The following CDH13 variants were observed in gnomAD, a reference collection of about 807,000 sequenced individuals.
CDH13 encodes the protein cadherin-13.
Under a neutral mutation model 63.8 loss-of-function variants are expected in CDH13, and 24 were observed. The ratio of observed to expected loss-of-function variants is 0.38; its 90% CI spans 0.27 to 0.53. The LOEUF (loss-of-function observed/expected upper bound fraction) is 0.53, where lower values mean the gene tolerates loss of function less well. CDH13 is among the 20% of genes least tolerant of loss of function. The probability of loss-of-function intolerance (pLI) is 0.85; values close to 1 mark genes in which losing one functional copy is unlikely to be tolerated. For synonymous variants in CDH13, 503 were observed against 355.3 expected (o/e 1.42, Z -4.67); for missense variants, 1,049 against 903.1 (o/e 1.16, Z -2.07).
intron 5 of CDH13, among the ~76,000 whole-genome samples, chr16:83,267,927 G>A (rs1326186174): frequency 6.6e-6 from 1 of 152,208 alleles, no homozygotes; most frequent in Non-Finnish European, 1.5e-5. Context: ...CAAGTGAAGT[G>A]TCTCTCAGTC....
chr16:82,795,712 C>G (rs754737671), intron 1 of CDH13, among the ~76,000 whole-genome samples: 1 of 152,146 alleles, frequency 6.6e-6, no homozygotes, highest in East Asian at 1.9e-4. Context: ...TGACCCAGTT[C>G]CTAATCCAGC....
intron 6 of CDH13, among the ~76,000 whole-genome samples, chr16:83,357,105 C>G (rs2091071554): frequency 6.6e-6 from 1 of 152,036 alleles, no homozygotes; most frequent in South Asian, 2.1e-4. Context: ...GCTCTGTATC[C>G]TTAAAAAAAG....
At chr16:83,134,006 A>T (rs1218816695) in intron 4 of CDH13, among the ~76,000 whole-genome samples, 1 of 152,168 alleles carries the variant, frequency 6.6e-6, no homozygotes, top group Non-Finnish European at 1.5e-5. Context: ...TAACATAGAC[A>T]TTCACTGCTT....
chr16:82,672,674 C>T (rs528602889), intron 1 of CDH13, among the ~76,000 whole-genome samples: 2 of 152,040 alleles, frequency 1.3e-5, no homozygotes, highest in South Asian at 2.1e-4. Flanking sequence ...TAATTCCATT[C>T]TCCTCACTGA....
chr16:83,743,539 A>G (rs1395835951), intron 10 of CDH13, among the ~76,000 whole-genome samples: 1 of 152,210 alleles, frequency 6.6e-6, no homozygotes, highest in Admixed American at 6.5e-5. Context: ...TGACAGAGGG[A>G]GCATCAAAGA....
At chr16:83,193,389 C>T (rs2038783627) in intron 4 of CDH13, among the ~76,000 whole-genome samples, 1 of 152,088 alleles carries the variant, frequency 6.6e-6, no homozygotes, top group South Asian at 2.1e-4. Context: ...AATCGCAAGC[C>T]CTGCATGCCA....
At chr16:83,410,554 C>T (rs1315013671) in intron 6 of CDH13, among the ~76,000 whole-genome samples, 3 of 152,048 alleles carry the variant, frequency 2.0e-5, no homozygotes, top group African/African-American at 7.2e-5. Context: ...AATACCCACC[C>T]CCTATATTTT....
chr16:83,334,359 T>A (rs868851363), intron 5 of CDH13, among the ~76,000 whole-genome samples: 1,989 of 88,478 alleles, frequency 0.022, 24 homozygotes, highest in South Asian at 0.032. Flanking sequence ...TCTCTCTCTC[T>A]CTCACACACA....
intron 2 of CDH13, among the ~76,000 whole-genome samples, chr16:82,891,713 C>T (rs1260391498): frequency 2.0e-5 from 3 of 152,102 alleles, no homozygotes; most frequent in African/African-American, 4.8e-5. Context: ...TACTTACTGT[C>T]GTGGTTCTCA....
intron 6 of CDH13, among the ~76,000 whole-genome samples, chr16:83,429,640 G>T (rs976546973): frequency 6.6e-6 from 1 of 152,150 alleles, no homozygotes; most frequent in Non-Finnish European, 1.5e-5. Flanking sequence ...AATGCTGAGG[G>T]GAAGGTGACC....
intron 4 of CDH13, among the ~76,000 whole-genome samples, chr16:83,211,587 G>A (rs2039338284): frequency 6.6e-6 from 1 of 152,106 alleles, no homozygotes; most frequent in Non-Finnish European, 1.5e-5. Context: ...ACTTTGCAGG[G>A]GAACTGAATG....
Position 83,168,294 on chromosome 16 carries a change from C to G in CDH13, c.483+42793C>G, listed in dbSNP as rs189309088. Among the ~76,000 whole-genome samples, 901 of 152,100 alleles carry G rather than the reference C, an allele frequency of 5.9e-3. 13 individuals carry two copies. The highest frequency in any genetic ancestry group is 7.8e-3 in the Non-Finnish European group (528 of 67,978). On this transcript the variant is annotated intron_variant, in intron 4 of 13. Transcript: ENST00000567109. Reference sequence around the variant, plus strand: ...AGCTTAGCTAGGTGTTAAGTACCATCCAATGGACGGTGCCATCCATTATAT... The same window carrying G: ...AGCTTAGCTAGGTGTTAAGTACCATGCAATGGACGGTGCCATCCATTATAT...
At chr16:83,108,721 T>C (rs755460583) in intron 3 of CDH13, among the ~76,000 whole-genome samples, 73 of 152,302 alleles carry the variant, frequency 4.8e-4, no homozygotes, top group Middle Eastern at 3.4e-3. Context: ...CTGTCTCTTG[T>C]CTGTATCACT....
intron 2 of CDH13, among the ~76,000 whole-genome samples, chr16:82,893,933 C>T (rs1313147713): frequency 6.6e-6 from 1 of 152,190 alleles, no homozygotes; most frequent in African/African-American, 2.4e-5. Flanking sequence ...ACTTCAGTAA[C>T]CTCCCACATG....
At chr16:83,026,484 G>A (rs1055089028) in intron 2 of CDH13, among the ~76,000 whole-genome samples, 4 of 150,920 alleles carry the variant, frequency 2.7e-5, no homozygotes, top group Non-Finnish European at 5.9e-5. Context: ...GGTGAAATAG[G>A]TTCGAGGGTG....
At chr16:83,552,912 C>G (rs1217013256) in intron 7 of CDH13, among the ~76,000 whole-genome samples, 2 of 152,082 alleles carry the variant, frequency 1.3e-5, no homozygotes. Context: ...AACCCTGTCT[C>G]TACTAAAATG....
intron 5 of CDH13, among the ~76,000 whole-genome samples, chr16:83,332,267 C>G (rs557840985): frequency 1.3e-5 from 2 of 152,128 alleles, no homozygotes; most frequent in East Asian, 1.9e-4. Context: ...AATTAGAGCT[C>G]TAATGGTGGC....
At chr16:83,006,981 T>TAAGCCA (rs1253366633) in intron 2 of CDH13, among the ~76,000 whole-genome samples, 1 of 151,132 alleles carries the variant, frequency 6.6e-6, no homozygotes, top group African/African-American at 2.4e-5. Context: ...TGGAGTGCAA[T>TAAGCCA]GGCATGATCT....
chr16:83,579,095 A>G lies in CDH13; in HGVS notation c.961-23359A>G, dbSNP rs1463086415. ...TTTAAAGACAGTGTTATAAACACAG[A>G]GAAAGTTGTCATTTGTCCAGGCCCA... On this transcript the variant is annotated intron_variant, in intron 7 of 13. Transcript: ENST00000567109. Among the ~76,000 whole-genome samples, 3 of 152,232 alleles carry G rather than the reference A, an allele frequency of 2.0e-5. No individual in the cohort carries two copies. The East Asian group carries it at 5.8e-4, about 29-fold the overall frequency.
Sources: gnomAD v4.1 joint callset for allele counts (sites outside exome capture counted in the v4.1 genomes callset) on GRCh38, gnomAD v4.1.1 for gene constraint, MANE v1.5 for transcripts, NCBI Gene and HGNC (gene_info 2026-07-23, HGNC 2026-07-21) for gene names.